Variants in FUT8 observed in about 807,000 individuals in gnomAD.
The protein encoded by FUT8 is alpha-(1,6)-fucosyltransferase.
A neutral mutation model predicts 71.3 loss-of-function variants in FUT8; 29 were observed. The ratio of observed to expected loss-of-function variants is 0.41; its 90% CI spans 0.30 to 0.55. The LOEUF is 0.55. FUT8 is among the 20% of genes least tolerant of loss of function. The pLI is 0.34. For synonymous variants in FUT8, 254 were observed against 239.3 expected (o/e 1.06, Z -0.57); for missense variants, 544 against 702.1 (o/e 0.77, Z 2.55).
At chr14:65,418,689 C>T (rs562549875) in intron 1 of FUT8, among the ~76,000 whole-genome samples, 16 of 152,154 alleles carry the variant, frequency 1.1e-4, no homozygotes, top group Admixed American at 2.6e-4. Flanking sequence ...GAGATTTATT[C>T]AGTTTTTCTC....
At chr14:65,382,022 A>T in the FUT8 span, among the ~76,000 whole-genome samples, 3 of 152,152 alleles carry the variant, frequency 2.0e-5, no homozygotes, top group Non-Finnish European at 4.4e-5. Context: ...GTTCCCAGAG[A>T]TCTGTAATGA....
At chr14:65,719,421 TCA>T (rs1280261608) in intron 7 of FUT8, among the ~76,000 whole-genome samples, 1 of 152,168 alleles carries the variant, frequency 6.6e-6, no homozygotes, top group East Asian at 1.9e-4. Context: ...CTCTGAAAGG[TCA>T]CATATCTATG....
chr14:65,386,308 T>C, the FUT8 span, among the ~76,000 whole-genome samples: 1 of 151,364 alleles, frequency 6.6e-6, no homozygotes. Context: ...CATAGGCATT[T>C]GAGACCAGCC....
chr14:65,609,649 G>A (rs1021421453), intron 3 of FUT8, among the ~76,000 whole-genome samples: 1 of 151,606 alleles, frequency 6.6e-6, no homozygotes, highest in Non-Finnish European at 1.5e-5. Flanking sequence ...CTTGATTATT[G>A]TATGTAGTTT....
chr14:65,503,384 G>A (rs2066677497), intron 2 of FUT8, among the ~76,000 whole-genome samples: 1 of 152,174 alleles, frequency 6.6e-6, no homozygotes, highest in Admixed American at 6.5e-5. Context: ...GACATCTGCA[G>A]ATTTCAAAAA....
intron 7 of FUT8, among the ~76,000 whole-genome samples, chr14:65,718,363 C>T (rs1446730159): frequency 6.6e-6 from 1 of 152,196 alleles, no homozygotes; most frequent in Admixed American, 6.5e-5. Flanking sequence ...AATAAATACT[C>T]TGTACTTTGT....
rs145998701 is a variant in FUT8, at chr14:65,454,210, G to T, written c.-325-1411G>T. On this transcript the variant is annotated intron_variant, in intron 1 of 10. Coordinates refer to ENST00000673929, the MANE Select transcript of FUT8 (RefSeq NM_001371533.1). Reference sequence around the variant, plus strand: ...GACTTTTGGGTGAAGTTACAGGAAAGAATTACAATAAACCTTTGCTGACTT... The same window carrying T: ...GACTTTTGGGTGAAGTTACAGGAAATAATTACAATAAACCTTTGCTGACTT... 5.8e-3 allele frequency among the ~76,000 whole-genome samples: 890 copies of T among 152,334 alleles called. 4 individuals are homozygous for T. The highest frequency in any genetic ancestry group is 8.7e-3 in the Non-Finnish European group (592 of 68,022).
At chr14:65,653,860 C>A (rs1441310562) in intron 6 of FUT8, among the ~76,000 whole-genome samples, 1 of 152,142 alleles carries the variant, frequency 6.6e-6, no homozygotes, top group Non-Finnish European at 1.5e-5. Flanking sequence ...GAAAGAATTA[C>A]CATCCAGAAT....
intron 9 of FUT8, among the ~76,000 whole-genome samples, chr14:65,725,828 G>A (rs1895656603): frequency 6.6e-6 from 1 of 152,246 alleles, no homozygotes; most frequent in African/African-American, 2.4e-5. Context: ...AAATGGGGAT[G>A]AGGAAAATAA....
intron 2 of FUT8, among the ~76,000 whole-genome samples, chr14:65,487,422 G>A (rs1477815026): frequency 2.0e-5 from 3 of 152,070 alleles, no homozygotes; most frequent in African/African-American, 7.2e-5. Context: ...AATTAGCCAG[G>A]TGAGGTGGTG....
At chr14:65,700,627 C>T (rs564241156) in intron 7 of FUT8, among the ~76,000 whole-genome samples, 7 of 152,140 alleles carry the variant, frequency 4.6e-5, no homozygotes, top group Middle Eastern at 3.4e-3. Flanking sequence ...TCTCGATCTC[C>T]TGACCTCGTG....
At chr14:65,559,025 GT>G (rs1376508663) in intron 2 of FUT8, among the ~76,000 whole-genome samples, 1 of 151,952 alleles carries the variant, frequency 6.6e-6, no homozygotes, top group Non-Finnish European at 1.5e-5. Context: ...AGTATTTTTT[GT>G]TGTACAAATT....
At chr14:65,436,958 G>T (rs193259129) in intron 1 of FUT8, among the ~76,000 whole-genome samples, 22 of 152,320 alleles carry the variant, frequency 1.4e-4, no homozygotes, top group Admixed American at 3.3e-4. Context: ...TGCCCTACAG[G>T]CAGTATGTCT....
chr14:65,721,729 A>G (rs752613023), intron 7 of FUT8, 46 bp from the exon 8 acceptor site: 1 of 1,597,396 alleles, frequency 6.3e-7, no homozygotes, highest in Non-Finnish European at 8.6e-7. Context: ...TGGTGGATGT[A>G]TAAGGAATAC....
At chr14:65,689,008 C>T (rs1893442152) in intron 7 of FUT8, among the ~76,000 whole-genome samples, 1 of 152,132 alleles carries the variant, frequency 6.6e-6, no homozygotes, top group Admixed American at 6.5e-5. Flanking sequence ...CCCAAAGGCC[C>T]CATCTCCTCA....
chr14:65,534,946 G>C (rs1486860519), intron 2 of FUT8, among the ~76,000 whole-genome samples: 1 of 151,068 alleles, frequency 6.6e-6, no homozygotes, highest in East Asian at 1.9e-4. Flanking sequence ...TCTGATTTTG[G>C]TTATTCTGCT....
At chr14:65,699,479 A>G (rs1271906773) in intron 7 of FUT8, among the ~76,000 whole-genome samples, 3 of 152,170 alleles carry the variant, frequency 2.0e-5, no homozygotes, top group African/African-American at 7.2e-5. Context: ...AATCATTACA[A>G]GATAGGGACT....
intron 1 of FUT8, among the ~76,000 whole-genome samples, chr14:65,438,452 T>C (rs992247597): frequency 1.8e-4 from 27 of 152,128 alleles, no homozygotes; most frequent in African/African-American, 6.5e-4. Context: ...TTCCCAGAAG[T>C]CTATTTAAAG....
At chr14:65,650,707 CAAAA>C (rs57971519) in intron 6 of FUT8, among the ~76,000 whole-genome samples, 33,891 of 118,404 alleles carry the variant, frequency 0.29, 2,618 homozygotes, top group Non-Finnish European at 0.35. Context: ...CTGCTAATTA[CAAAA>C]AAAAAAAAAA....
Sources: gnomAD v4.1 joint callset for allele counts (sites outside exome capture counted in the v4.1 genomes callset) on GRCh38, gnomAD v4.1.1 for gene constraint, MANE v1.5 for transcripts, NCBI Gene and HGNC (gene_info 2026-07-23, HGNC 2026-07-21) for gene names.